The following PRDM11 variants were observed in gnomAD, a reference collection of about 807,000 sequenced individuals.
PRDM11 encodes the protein PR/SET domain 11, also known as PR domain-containing protein 11.
PRDM11 carries 20 observed loss-of-function variants against 97.8 expected under a neutral mutation model. The observed-to-expected ratio is 0.20, with a 90% CI of 0.14 to 0.30. The LOEUF is 0.30. Ranked by LOEUF, PRDM11 falls within the 10% of genes least tolerant of loss-of-function variation. PRDM11 has a pLI of 1.00. For synonymous variants in PRDM11, 599 were observed against 637.7 expected (o/e 0.94, Z 0.91); for missense variants, 1,139 against 1,555.2 (o/e 0.73, Z 4.50).
Position 45,234,028 on chromosome 11 carries a change from C to G in PRDM11, c.*5869C>G, listed in dbSNP as rs1450130442. 6.6e-6 allele frequency: 1 copy of G among 152,302 alleles called. No individual in the cohort carries two copies. The highest frequency in any genetic ancestry group is 2.4e-5 in the African/African-American group (1 of 41,460). The allele number at this position is 152,302 out of a possible 1,614,324, so 9.4% of individuals were successfully genotyped here. ...GAGGCAGAGGCTGAGCTGGGATACC[C>G]CAAGCTCATCCACTTTCGTTGGGGA... On this transcript the variant is annotated 3_prime_UTR_variant, in exon 8 of 8. Transcript: ENST00000683152.
chr11:45,145,376 C>CA (rs1379216282), upstream of PRDM11, among the ~76,000 whole-genome samples: 1 of 152,198 alleles, frequency 6.6e-6, no homozygotes, highest in Non-Finnish European at 1.5e-5. Context: ...GCTCCACATC[C>CA]AGATTCCAAA....
intron 6 of PRDM11, among the ~76,000 whole-genome samples, chr11:45,222,058 C>T (rs762669721): frequency 1.3e-5 from 2 of 152,104 alleles, no homozygotes; most frequent in Non-Finnish European, 2.9e-5. Context: ...TGGTTGTTGC[C>T]AGAAGTCTTC....
intron 1 of PRDM11, among the ~76,000 whole-genome samples, chr11:45,154,212 T>C (rs1336826866): frequency 1.3e-5 from 2 of 152,062 alleles, no homozygotes; most frequent in Non-Finnish European, 2.9e-5. Flanking sequence ...CAAAATTACC[T>C]GGGCTTGGTG....
chr11:45,183,480 G>A (rs1224468617), intron 4 of PRDM11, among the ~76,000 whole-genome samples: 2 of 152,222 alleles, frequency 1.3e-5, no homozygotes, highest in East Asian at 1.9e-4. Context: ...TGGGGATGCA[G>A]AGCATGACTT....
Position 45,124,772 on chromosome 11 carries a change from T to C in PRDM11, c.96+28871T>C, listed in dbSNP as rs1852525068. 2.6e-5 allele frequency among the ~76,000 whole-genome samples: 4 copies of C among 152,218 alleles called. 1 individual carries two copies. The South Asian group carries it at 8.3e-4, about 31-fold the overall frequency. ...TTTATTGAGGATTTTTGCATCAATG[T>C]TCATCAAGGATATTGGTCTAACATT... On this transcript the variant is annotated intron_variant, in intron 1 of 6. Transcript: ENST00000530656.
intron 1 of PRDM11, among the ~76,000 whole-genome samples, chr11:45,165,579 G>C (rs963613154): frequency 6.6e-6 from 1 of 152,382 alleles, no homozygotes; most frequent in Admixed American, 6.5e-5. Flanking sequence ...TGGAGAGTGA[G>C]TGCCTTGCCC....
chr11:45,101,567 A>AAAAAGAAG (rs767802218), intron 1 of PRDM11, among the ~76,000 whole-genome samples: 9 of 96,862 alleles, frequency 9.3e-5, no homozygotes, highest in African/African-American at 3.4e-4. Context: ...AAAAAAAAAA[A>AAAAAGAAG]AAGAAGAAGA....
rs1854303093 is a variant in PRDM11, at chr11:45,227,449, A to T, written c.2824A>T (p.Asn942Tyr). 6.5e-7 allele frequency: 1 copy of T among 1,533,746 alleles called. No homozygotes were observed. Residue 942 changes from asparagine to tyrosine, a missense_variant, in exon 8 of 8, where the codon AAC becomes TAC. Transcript: ENST00000683152. The surrounding 1 kb of genome is among the most constrained non-coding windows in gnomAD (Gnocchi z 8.0). ...CGAGGAGAATTTCCGAGAGAGCTTCAACGGGATCGCCATGAAGAACCTCAG... is the reference window on the plus strand; with the variant it reads ...CGAGGAGAATTTCCGAGAGAGCTTCTACGGGATCGCCATGAAGAACCTCAG... ...EFEENFRESF[N>Y]GIAMKNLRVA...
intron 6 of PRDM11, among the ~76,000 whole-genome samples, chr11:45,221,165 G>GTGCACAGAT (rs1854110729): frequency 6.6e-6 from 1 of 152,230 alleles, no homozygotes; most frequent in Non-Finnish European, 1.5e-5. Flanking sequence ...GCTGCTGCCT[G>GTGCACAGAT]ACTTGGTAAA....
At chr11:45,175,371 A>G (rs1271160776) in intron 1 of PRDM11, among the ~76,000 whole-genome samples, 4 of 152,192 alleles carry the variant, frequency 2.6e-5, no homozygotes, top group African/African-American at 7.2e-5. Flanking sequence ...AGAATGTCAT[A>G]TAGTTGGAAT....
intron 1 of PRDM11, among the ~76,000 whole-genome samples, chr11:45,168,886 C>T (rs1667662528): frequency 6.6e-6 from 1 of 152,234 alleles, no homozygotes; most frequent in South Asian, 2.1e-4. Flanking sequence ...GACTGCACTC[C>T]TGGCAGCCTG....
chr11:45,143,335 G>T (rs923216937), upstream of PRDM11, among the ~76,000 whole-genome samples: 7 of 152,128 alleles, frequency 4.6e-5, no homozygotes, highest in African/African-American at 1.7e-4. Context: ...TTACTAGTAG[G>T]GGGTGGAGGG....
upstream of PRDM11, among the ~76,000 whole-genome samples, chr11:45,142,023 C>A (rs556999113): frequency 8.5e-5 from 13 of 152,298 alleles, no homozygotes; most frequent in East Asian, 2.5e-3. Flanking sequence ...AAAAGACACA[C>A]GTTTGCTTCA....
At chr11:45,197,791 T>A (rs55676210) in intron 4 of PRDM11, among the ~76,000 whole-genome samples, 1,614 of 152,166 alleles carry the variant, frequency 0.011, 31 homozygotes, top group African/African-American at 0.038. Context: ...AAACACTGCA[T>A]GTTCTCACTC....
At position 45,229,844 on chromosome 11, in the gene PRDM11, T is replaced by C. The variant is rs1424633612; in HGVS notation, c.*1685T>C. ...TTGGTTGGCAGAGGGTGGTGTTATC[T>C]GGCCACAGGCAAGGCCCCAATGTCT... On this transcript the variant is annotated 3_prime_UTR_variant, in exon 8 of 8. Transcript: ENST00000683152. The C allele has an allele frequency of 6.6e-6, 1 of 152,194 alleles. No homozygotes were observed. Among genetic ancestry groups the C allele is most frequent in the African/African-American group, 2.4e-5 (1 of 41,446 alleles). 9.4% of individuals were successfully genotyped at this position (152,194 alleles called of 1,614,324 possible).
In PRDM11 at chr11:45,182,851, A is replaced by T; in HGVS notation, c.224-10A>T. On this transcript the variant is annotated splice_polypyrimidine_tract_variant and intron_variant, in intron 3 of 7. Transcript: ENST00000683152. ...AACTGAGGCCCTCCCTTCTCTTTCC[A>T]TCCCTCCAGTCTGTGAGTCCTGCCA... 1.3e-6 allele frequency: 2 copies of T among 1,562,370 alleles called. No homozygotes were observed. The highest frequency in any genetic ancestry group is 2.4e-5 in the South Asian group (2 of 82,818).
At chr11:45,155,825 G>A (rs1851780048) in intron 1 of PRDM11, among the ~76,000 whole-genome samples, 1 of 151,950 alleles carries the variant, frequency 6.6e-6, no homozygotes, top group Non-Finnish European at 1.5e-5. Flanking sequence ...AGGGCAGAGT[G>A]TCTGGCTGCC....
chr11:45,111,773 AGTTG>A (rs1852187788), intron 1 of PRDM11, among the ~76,000 whole-genome samples: 1 of 152,070 alleles, frequency 6.6e-6, no homozygotes, highest in Non-Finnish European at 1.5e-5. Flanking sequence ...GGGCCCATTG[AGTTG>A]GTCCATGAGA....
intron 1 of PRDM11, among the ~76,000 whole-genome samples, chr11:45,180,966 G>A (rs1852473574): frequency 6.6e-6 from 1 of 152,152 alleles, no homozygotes; most frequent in Admixed American, 6.5e-5. Context: ...GGAGCAGGGG[G>A]CTGATTAGCC....
Sources: gnomAD v4.1 joint callset for allele counts (sites outside exome capture counted in the v4.1 genomes callset) on GRCh38, gnomAD v4.1.1 for gene constraint, Gnocchi (gnomAD v3.1) non-coding constraint, MANE v1.5 for transcripts, NCBI Gene and HGNC (gene_info 2026-07-23, HGNC 2026-07-21) for gene names.